TRHDE: variants seen among roughly 807,000 people sequenced by gnomAD.
TRHDE encodes the protein thyrotropin-releasing hormone-degrading ectoenzyme.
TRHDE carries 72 observed loss-of-function variants against 125.7 expected under a neutral mutation model. The observed-to-expected ratio is 0.57, with a 90% CI of 0.47 to 0.70. TRHDE has a LOEUF of 0.70. TRHDE is among the 30% of genes least tolerant of loss of function. The pLI is 0.00. For synonymous variants in TRHDE, 509 were observed against 509.1 expected, an observed-to-expected ratio of 1.00 and a Z score of 0.00; for missense variants, 1,110 against 1,327.1, an observed-to-expected ratio of 0.84 and a Z score of 2.54.
At chr12:72,305,279 A>G (rs969583355) in intron 2 of TRHDE, among the ~76,000 whole-genome samples, 3 of 152,238 alleles carry the variant, frequency 2.0e-5, no homozygotes, top group African/African-American at 4.8e-5. Context: ...ATGTTATTCC[A>G]TAAATTAGGT....
chr12:72,518,739 C>T (rs1432627111), intron 6 of TRHDE, among the ~76,000 whole-genome samples: 3 of 152,050 alleles, frequency 2.0e-5, no homozygotes, highest in Admixed American at 6.6e-5. Context: ...TCTTCCTAGC[C>T]TCGATGGTCT....
intron 2 of TRHDE, among the ~76,000 whole-genome samples, chr12:72,350,396 A>G (rs1218127254): frequency 6.6e-6 from 1 of 152,030 alleles, no homozygotes; most frequent in Non-Finnish European, 1.5e-5. Context: ...TACGTATTAT[A>G]TATCTCAATA....
chr12:72,364,426 T>A (rs1020408649), intron 2 of TRHDE, among the ~76,000 whole-genome samples: 4 of 152,050 alleles, frequency 2.6e-5, no homozygotes. Flanking sequence ...TTATTTAACA[T>A]CCTATAAATT....
chr12:72,609,060 A>C (rs947571342), intron 12 of TRHDE, among the ~76,000 whole-genome samples: 1 of 152,050 alleles, frequency 6.6e-6, no homozygotes, highest in Non-Finnish European at 1.5e-5. Flanking sequence ...CATACAAGGA[A>C]CCCTAAAGCA....
In TRHDE at chr12:72,520,631, T is replaced by A. The variant is rs371568547; in HGVS notation, c.1722+20996T>A. On this transcript the variant is annotated intron_variant, in intron 6 of 18. Transcript: ENST00000261180. Reference sequence around the variant, plus strand: ...GTTGCTCACGCTGGGAGCTGTAGACTGGAGCTGTTCCTATTCGGCCATCTT... The same window carrying A: ...GTTGCTCACGCTGGGAGCTGTAGACAGGAGCTGTTCCTATTCGGCCATCTT... Among the ~76,000 whole-genome samples, 9 of 152,334 alleles carry A rather than the reference T, an allele frequency of 5.9e-5. No individual in the cohort carries two copies. In the East Asian group the frequency reaches 1.2e-3, roughly 20 times the overall value.
chr12:72,476,702 A>G (rs1450581936), intron 5 of TRHDE, among the ~76,000 whole-genome samples: 1 of 152,150 alleles, frequency 6.6e-6, no homozygotes, highest in Non-Finnish European at 1.5e-5. Context: ...ACACTGAAAA[A>G]CAATTTTATC....
intron 2 of TRHDE, among the ~76,000 whole-genome samples, chr12:72,230,614 G>A (rs897466893): frequency 6.6e-6 from 1 of 151,842 alleles, no homozygotes; most frequent in Non-Finnish European, 1.5e-5. Context: ...TATGATGGCC[G>A]AGTAAACTGA....
chr12:72,128,179 G>A (rs1023284540), intron 2 of TRHDE, among the ~76,000 whole-genome samples: 2 of 152,170 alleles, frequency 1.3e-5, no homozygotes, highest in African/African-American at 2.4e-5. Flanking sequence ...ACTCGGAAGG[G>A]TCTTGCCTCA....
intron 1 of TRHDE, chr12:72,274,896 A>G (rs1326438302): frequency 1.3e-5 from 2 of 152,240 alleles, no homozygotes; most frequent in African/African-American, 4.8e-5. Context: ...GCTCTCAGGT[A>G]TATTGTTGAA....
chr12:72,616,501 G>A (rs765070273), intron 12 of TRHDE, among the ~76,000 whole-genome samples: 6 of 152,064 alleles, frequency 3.9e-5, no homozygotes, highest in East Asian at 3.9e-4. Context: ...CTAATTGGAC[G>A]AGTGTGGTAG....
intron 2 of TRHDE, among the ~76,000 whole-genome samples, chr12:72,154,307 G>A (rs946173775): frequency 6.6e-6 from 1 of 152,136 alleles, no homozygotes; most frequent in African/African-American, 2.4e-5. Flanking sequence ...CATGAGATGG[G>A]TTTCCTGAAT....
chr12:72,100,996 G>T (rs1592440411), intron 1 of TRHDE, among the ~76,000 whole-genome samples: 1 of 152,198 alleles, frequency 6.6e-6, no homozygotes, highest in Non-Finnish European at 1.5e-5. Context: ...CCCAAATTCA[G>T]AAGTAAATGA....
intron 2 of TRHDE, among the ~76,000 whole-genome samples, chr12:72,288,442 A>C (rs1188991130): frequency 1.3e-5 from 2 of 152,118 alleles, no homozygotes; most frequent in African/African-American, 4.8e-5. Context: ...TTAAATGCAC[A>C]CTTCTTAGAA....
At chr12:72,405,294 A>G (rs1443482899) in intron 3 of TRHDE, among the ~76,000 whole-genome samples, 2 of 152,146 alleles carry the variant, frequency 1.3e-5, no homozygotes, top group African/African-American at 4.8e-5. Flanking sequence ...TTTATCTATG[A>G]ACTTGTAGAA....
intron 12 of TRHDE, among the ~76,000 whole-genome samples, chr12:72,614,330 A>ATATTT (rs531067163): frequency 2.3e-5 from 3 of 129,840 alleles, no homozygotes; most frequent in East Asian, 2.2e-4. Flanking sequence ...ATATATATAT[A>ATATTT]TTTTTTTTTT....
chr12:72,598,303 AC>A (rs961362083), intron 12 of TRHDE, among the ~76,000 whole-genome samples: 2 of 152,206 alleles, frequency 1.3e-5, no homozygotes, highest in African/African-American at 4.8e-5. Flanking sequence ...TGTAGAGAAA[AC>A]TTTACTTGAT....
At chr12:72,267,418 A>AAG (rs1327248256), upstream of TRHDE, among the ~76,000 whole-genome samples, 1 of 152,172 alleles carries the variant, frequency 6.6e-6, no homozygotes, top group East Asian at 1.9e-4. Context: ...TTATTTGGTC[A>AAG]TTCTTTTCCT....
chr12:72,271,439 G>T (rs1879205890), upstream of TRHDE, among the ~76,000 whole-genome samples: 7 of 152,226 alleles, frequency 4.6e-5, 1 homozygote, highest in South Asian at 1.5e-3. Context: ...GGGCTAAGGA[G>T]TCAGGAAGAG....
intron 2 of TRHDE, among the ~76,000 whole-genome samples, chr12:72,297,493 G>A (rs552653236): frequency 1.3e-5 from 2 of 152,140 alleles, no homozygotes; most frequent in African/African-American, 4.8e-5. Flanking sequence ...GGTTGTGTTG[G>A]AACAAGCGTC....
Sources: allele counts gnomAD v4.1 joint callset (sites outside exome capture counted in the v4.1 genomes callset), GRCh38; gene constraint gnomAD v4.1.1; transcripts MANE v1.5; gene names NCBI Gene and HGNC (gene_info 2026-07-23, HGNC 2026-07-21).